Variants in CPNE3 observed in about 807,000 individuals in gnomAD.
The protein encoded by CPNE3 is copine-3.
Under a neutral mutation model 63.9 loss-of-function variants are expected in CPNE3, and 68 were observed. The ratio of observed to expected loss-of-function variants is 1.06; its 90% CI spans 0.87 to 1.30. CPNE3 has a LOEUF of 1.30. Among genes scored for constraint, CPNE3 ranks in the 50% most tolerant of loss-of-function variants. The pLI is 0.00. For missense variants in CPNE3, 665 were observed against 578.1 expected, an observed-to-expected ratio of 1.15 and a Z score of -1.54; for synonymous variants, 219 against 197.5, an observed-to-expected ratio of 1.11 and a Z score of -0.91.
At chr8:86,548,627 T>A (rs373890835) in intron 12 of CPNE3, among the ~76,000 whole-genome samples, 193 bp downstream of exon 12, 5 of 152,292 alleles carry the variant, frequency 3.3e-5, no homozygotes, top group African/African-American at 1.2e-4. Flanking sequence ...AATATCTTTC[T>A]GTGATTAGTT....
At chr8:86,532,356 A>G (rs1259589933) in intron 5 of CPNE3, among the ~76,000 whole-genome samples, 153 bp from the exon 6 acceptor site, 1 of 152,188 alleles carries the variant, frequency 6.6e-6, no homozygotes, top group South Asian at 2.1e-4. Context: ...ATAATGGTAG[A>G]TCTTTTTTAA....
intron 6 of CPNE3, among the ~76,000 whole-genome samples, chr8:86,534,090 C>T (rs1244392874): frequency 6.6e-6 from 1 of 151,910 alleles, no homozygotes; most frequent in East Asian, 1.9e-4. Context: ...TACAAGACTC[C>T]ATCTTTTTTT....
At chr8:86,516,159 G>A (rs1380782203) in intron 2 of CPNE3, among the ~76,000 whole-genome samples, 2 of 152,186 alleles carry the variant, frequency 1.3e-5, no homozygotes, top group African/African-American at 4.8e-5. Context: ...AGGTGGAGCT[G>A]AATTTTAGGA....
At chr8:86,530,633 T>C (rs1156510694) in intron 4 of CPNE3, among the ~76,000 whole-genome samples, 1 of 152,144 alleles carries the variant, frequency 6.6e-6, no homozygotes, top group East Asian at 1.9e-4. Flanking sequence ...GTAGGTAGAT[T>C]GTATCTGCCA....
At chr8:86,517,682 C>T (rs1418413066) in intron 2 of CPNE3, among the ~76,000 whole-genome samples, 1 of 152,128 alleles carries the variant, frequency 6.6e-6, no homozygotes, top group Non-Finnish European at 1.5e-5. Flanking sequence ...TTTATTGTTC[C>T]CTGTAGCACT....
rs754523745 is a variant in CPNE3, at chr8:86,546,578, G to C, written c.733-17G>C. 1.2e-5 allele frequency: 20 copies of C among 1,602,060 alleles called. No individual in the cohort carries two copies. The South Asian group carries it at 1.8e-4, about 15-fold the overall frequency. ...ATTGCTAATAAAAAGTAACATTTTTGTCTTCTCTTCCTACAGGTTGAATTT... is the reference window on the plus strand; with the variant it reads ...ATTGCTAATAAAAAGTAACATTTTTCTCTTCTCTTCCTACAGGTTGAATTT... On this transcript the variant is annotated splice_polypyrimidine_tract_variant and intron_variant, in intron 9 of 16. Coordinates refer to ENST00000517490, the MANE Select transcript of CPNE3 (RefSeq NM_003909.5).
Position 86,560,380 on chromosome 8 carries a change from G to T in CPNE3, c.*1970G>T, listed in dbSNP as rs2131515090. 6.6e-6 allele frequency: 1 copy of T among 152,254 alleles called. No individual in the cohort carries two copies. The highest frequency in any genetic ancestry group is 3.4e-3 in the Middle Eastern group (1 of 294). 9.4% of individuals were successfully genotyped at this position (152,254 alleles called of 1,614,324 possible). ...CAGACAGAAGTGAGCTTATCTGTTT[G>T]ATGCTGTGGCAGGGTCCCAGTCACT... On this transcript the variant is annotated 3_prime_UTR_variant, in exon 17 of 17. Coordinates refer to ENST00000517490, the MANE Select transcript of CPNE3 (RefSeq NM_003909.5).
In CPNE3 at chr8:86,532,633, A is replaced by G. The variant is rs1820708466; in HGVS notation, c.459+53A>G. ...GGTTGTCATGTTTTGCCTCTTTTTT[A>G]AGAAAATAAAAATGCAGTTAATATC... On this transcript the variant is annotated intron_variant, in intron 6 of 16. Coordinates refer to ENST00000517490, the MANE Select transcript of CPNE3 (RefSeq NM_003909.5). The G allele has an allele frequency of 7.4e-6, 11 of 1,477,764 alleles. 1 individual carries two copies. Among genetic ancestry groups the G allele is most frequent in the Non-Finnish European group, 9.3e-6 (10 of 1,071,182 alleles). 91.5% of individuals were successfully genotyped at this position (1,477,764 alleles called of 1,614,324 possible). A position where few individuals can be genotyped will look rare whatever the true frequency, so the allele number is the denominator to read the frequency against.
At chr8:86,547,898 T>A (rs1186633592) in intron 11 of CPNE3, 128 bp downstream of exon 11, 1 of 614,596 alleles carries the variant, frequency 1.6e-6, no homozygotes, top group East Asian at 2.8e-5. Flanking sequence ...CTTAGAGTCC[T>A]CAGGCAGGTT....
At chr8:86,523,829 C>T (rs1167985466) in intron 2 of CPNE3, among the ~76,000 whole-genome samples, 1 of 152,122 alleles carries the variant, frequency 6.6e-6, no homozygotes, top group Non-Finnish European at 1.5e-5. Flanking sequence ...CTCAAGTGAT[C>T]CCCCTACCTC....
At chr8:86,539,124 G>A (rs1323066154) in intron 7 of CPNE3, among the ~76,000 whole-genome samples, 1 of 152,014 alleles carries the variant, frequency 6.6e-6, no homozygotes, top group African/African-American at 2.4e-5. Context: ...TAAATTCATG[G>A]ATTGTTATAA....
At chr8:86,540,357 T>A in intron 8 of CPNE3, 23 bp downstream of exon 8, 1 of 1,150,684 alleles carries the variant, frequency 8.7e-7, no homozygotes, top group Non-Finnish European at 1.2e-6. Flanking sequence ...TATATATATA[T>A]AAAATACTTA....
chr8:86,556,451 T>C, intron 16 of CPNE3, 113 bp downstream of exon 16: 1 of 745,010 alleles, frequency 1.3e-6, no homozygotes, highest in African/African-American at 1.7e-5. Flanking sequence ...GTGAACACTT[T>C]CCTTTGTCCA....
chr8:86,542,531 T>G (rs920910886), intron 8 of CPNE3, among the ~76,000 whole-genome samples: 1 of 151,900 alleles, frequency 6.6e-6, no homozygotes, highest in Non-Finnish European at 1.5e-5. Context: ...ATATGTTTAT[T>G]ATGTATACTA....
At chr8:86,519,663 A>G (rs187085501) in intron 2 of CPNE3, among the ~76,000 whole-genome samples, 1 of 152,348 alleles carries the variant, frequency 6.6e-6, no homozygotes, top group Non-Finnish European at 1.5e-5. Flanking sequence ...TTTTGAGCAA[A>G]GGTACCTAAC....
intron 14 of CPNE3, among the ~76,000 whole-genome samples, chr8:86,553,717 A>C (rs1821244395): frequency 6.6e-6 from 1 of 151,802 alleles, no homozygotes; most frequent in Non-Finnish European, 1.5e-5. Flanking sequence ...TAGACATTTT[A>C]AAAGCAAGAG....
intron 12 of CPNE3, among the ~76,000 whole-genome samples, chr8:86,550,540 A>C (rs72690477): frequency 0.055 from 8,324 of 152,258 alleles, 317 homozygotes; most frequent in Non-Finnish European, 0.087. Flanking sequence ...ATTTTGTGGG[A>C]TACTCAGTGG....
At chr8:86,528,249 CAAG>C (rs1820583447) in intron 2 of CPNE3, among the ~76,000 whole-genome samples, 1 of 151,948 alleles carries the variant, frequency 6.6e-6, no homozygotes, top group Non-Finnish European at 1.5e-5. Context: ...TGAGCCTGGC[CAAG>C]AAGATTAGTA....
At chr8:86,556,425 C>T (rs1821328676) in intron 16 of CPNE3, 87 bp downstream of exon 16, 2 of 810,348 alleles carry the variant, frequency 2.5e-6, no homozygotes. Context: ...ATTAGGTGTG[C>T]AGGGTTAGAG....
Sources: gnomAD v4.1 joint callset for allele counts (sites outside exome capture counted in the v4.1 genomes callset) on GRCh38, gnomAD v4.1.1 for gene constraint, MANE v1.5 for transcripts, NCBI Gene and HGNC (gene_info 2026-07-23, HGNC 2026-07-21) for gene names.